RIN2: variants seen among roughly 807,000 people sequenced by gnomAD.
RIN2 encodes the protein RAB5 interacting protein 2.
In RIN2, 36 loss-of-function variants were observed where a neutral mutation model predicts 78.0. The ratio of observed to expected loss-of-function variants is 0.46; its 90% CI spans 0.35 to 0.61. The LOEUF (loss-of-function observed/expected upper bound fraction) is 0.61, where lower values mean the gene tolerates loss of function less well. RIN2 is among the 20% of genes least tolerant of loss of function. The probability of loss-of-function intolerance (pLI) is 0.00; values close to 1 mark genes in which losing one functional copy is unlikely to be tolerated. For synonymous variants in RIN2, 466 were observed against 466.8 expected (o/e 1.00, Z 0.02); for missense variants, 1,087 against 1,159.7 (o/e 0.94, Z 0.91).
chr20:19,869,985 G>A (rs2037640083), intron 2 of RIN2, among the ~76,000 whole-genome samples: 1 of 151,932 alleles, frequency 6.6e-6, no homozygotes, highest in African/African-American at 2.4e-5. Context: ...CCAGAACCGT[G>A]GCAAGAATAG....
At chr20:19,962,403 G>A (rs536880119) in intron 6 of RIN2, among the ~76,000 whole-genome samples, 1 of 152,208 alleles carries the variant, frequency 6.6e-6, no homozygotes, top group South Asian at 2.1e-4. Context: ...CACGATGGAT[G>A]TGTTGGTCGG....
intron 1 of RIN2, among the ~76,000 whole-genome samples, chr20:19,765,333 C>CACACA (rs1417749897): frequency 1.3e-5 from 2 of 152,158 alleles, no homozygotes; most frequent in African/African-American, 4.8e-5. Context: ...GAATTAGAGC[C>CACACA]AGTGGGCATT....
Position 19,805,826 on chromosome 20 carries a change from G to A in RIN2, c.-37+6079G>A, listed in dbSNP as rs540689458. The stretch of plus-strand genomic sequence containing the variant: ...GGTGGTTTGCTGCACCCATCAACCC[G>A]TCATCTACATTAGGAATTTCTCCTA... On this transcript the variant is annotated intron_variant, in intron 2 of 12. Coordinates refer to ENST00000255006, the MANE Select transcript of RIN2 (RefSeq NM_018993.4). 8.2e-4 allele frequency among the ~76,000 whole-genome samples: 125 copies of A among 152,014 alleles called. 5 individuals carry two copies. The South Asian group carries it at 0.021, about 25-fold the overall frequency.
chr20:19,848,632 A>G (rs1014951146), intron 2 of RIN2, among the ~76,000 whole-genome samples: 35 of 147,714 alleles, frequency 2.4e-4, no homozygotes, highest in African/African-American at 8.3e-4. Context: ...TTAATCAGTA[A>G]CAATCCTCTT....
At chr20:19,780,415 A>C (rs967499877) in intron 1 of RIN2, among the ~76,000 whole-genome samples, 1 of 152,152 alleles carries the variant, frequency 6.6e-6, no homozygotes, top group Non-Finnish European at 1.5e-5. Flanking sequence ...ATGCCCTGCT[A>C]CCCACTGAGA....
chr20:19,858,087 G>GAACAAAAGCATTTAACATAAAA (rs1408312930), intron 2 of RIN2, among the ~76,000 whole-genome samples: 2 of 151,706 alleles, frequency 1.3e-5, no homozygotes, highest in East Asian at 3.9e-4. Flanking sequence ...TAACTTTAAT[G>GAACAAAAGCATTTAACATAAAA]AGGTCCAACT....
intron 1 of RIN2, among the ~76,000 whole-genome samples, chr20:19,795,788 A>G (rs930147352): frequency 2.6e-5 from 4 of 152,208 alleles, no homozygotes; most frequent in African/African-American, 9.7e-5. Flanking sequence ...CCCATGCATC[A>G]TGGGCAAAGG....
chr20:19,926,839 G>A (rs551236209), intron 3 of RIN2, among the ~76,000 whole-genome samples: 1 of 152,356 alleles, frequency 6.6e-6, no homozygotes, highest in South Asian at 2.1e-4. Context: ...GAAGAGCGCT[G>A]TATCAGGACT....
chr20:19,936,574 C>T (rs1031305070), intron 4 of RIN2, among the ~76,000 whole-genome samples: 1 of 152,172 alleles, frequency 6.6e-6, no homozygotes, highest in African/African-American at 2.4e-5. Context: ...CACCCAGACA[C>T]AGAGCGGCGG....
chr20:19,991,768 A>C (rs893621666), intron 10 of RIN2, among the ~76,000 whole-genome samples: 1 of 152,248 alleles, frequency 6.6e-6, no homozygotes, highest in African/African-American at 2.4e-5. Flanking sequence ...TATGTTTGTA[A>C]ATAATGTGCA....
intron 2 of RIN2, among the ~76,000 whole-genome samples, chr20:19,866,914 C>T (rs1038138736): frequency 1.3e-5 from 2 of 152,174 alleles, no homozygotes; most frequent in Non-Finnish European, 2.9e-5. Context: ...AGTGAGCCAC[C>T]ATACCTGGCC....
At chr20:19,965,982 A>T (rs1429683991) in intron 7 of RIN2, among the ~76,000 whole-genome samples, 1 of 151,632 alleles carries the variant, frequency 6.6e-6, no homozygotes, top group Non-Finnish European at 1.5e-5. Flanking sequence ...CTTTTTTTCC[A>T]TTTTTTTCTT....
chr20:19,899,204 A>C (rs1438942297), intron 3 of RIN2, among the ~76,000 whole-genome samples: 1 of 152,188 alleles, frequency 6.6e-6, no homozygotes, highest in African/African-American at 2.4e-5. Flanking sequence ...ACTATGTGAC[A>C]GCTAGCTCTA....
At chr20:19,817,984 C>A (rs933262238) in intron 2 of RIN2, among the ~76,000 whole-genome samples, 1 of 151,902 alleles carries the variant, frequency 6.6e-6, no homozygotes, top group Non-Finnish European at 1.5e-5. Flanking sequence ...CATCATTTGG[C>A]AATTTTGCCA....
intron 2 of RIN2, among the ~76,000 whole-genome samples, chr20:19,839,787 C>G (rs2036529417): frequency 2.0e-5 from 3 of 152,148 alleles, no homozygotes; most frequent in Non-Finnish European, 2.9e-5. Context: ...TGAATCCTAT[C>G]TAAAACACTT....
rs374144324 is a variant in RIN2 at position 19,964,967 on chromosome 20, G to T, written c.479G>T (p.Gly160Val). 8 of 1,613,456 alleles carry T rather than the reference G, an allele frequency of 5.0e-6. No individual in the cohort carries two copies. Among genetic ancestry groups the T allele is most frequent in the East Asian group, 2.2e-5 (1 of 44,894 alleles). Reference protein sequence around the residue: ...KESTYTFSLEGSGISFADLFR... With the variant: ...KESTYTFSLEVSGISFADLFR... ...TCTTTTCCAGCCTTTTCCCTGGAAGGCTCAGGAATCAGTTTCGCAGATTTA... is the reference window on the plus strand; with the variant it reads ...TCTTTTCCAGCCTTTTCCCTGGAAGTCTCAGGAATCAGTTTCGCAGATTTA... The change falls in exon 7 of 13, where the codon GGC (glycine) becomes GTC (valine). Residue 160 changes from glycine to valine, a missense_variant. This residue lies in a region of RIN2 where 706 missense variants were observed against 667.5 expected (regional missense o/e 1.06). Coordinates refer to ENST00000255006, the MANE Select transcript of RIN2 (RefSeq NM_018993.4).
chr20:19,883,114 C>A (rs1015972590), intron 2 of RIN2, among the ~76,000 whole-genome samples: 2 of 152,144 alleles, frequency 1.3e-5, no homozygotes, highest in Non-Finnish European at 1.5e-5. Context: ...GGGAAGCCAC[C>A]CCTCTTTCCC....
chr20:19,967,534 A>G lies in RIN2; in HGVS notation c.536+2510A>G, dbSNP rs8122098. Among the ~76,000 whole-genome samples the G allele has an allele frequency of 8.2e-3, 1,248 of 152,348 alleles. 19 individuals carry two copies. The highest frequency in any genetic ancestry group is 0.028 in the African/African-American group (1,168 of 41,572). ...ATGCATATGCAAATATGCATTGCAC[A>G]AGAGAATTCACGAATCAATAAACAT... On this transcript the variant is annotated intron_variant, in intron 7 of 12. Transcript: ENST00000255006.
At chr20:19,928,550 T>C (rs1477783016) in intron 3 of RIN2, among the ~76,000 whole-genome samples, 1 of 152,190 alleles carries the variant, frequency 6.6e-6, no homozygotes, top group Non-Finnish European at 1.5e-5. Flanking sequence ...TGTAGACTCC[T>C]GCACCAGACT....
Sources: gnomAD v4.1 joint callset for allele counts (sites outside exome capture counted in the v4.1 genomes callset) on GRCh38, gnomAD v4.1.1 for gene constraint, gnomAD v4.1.1 regional missense constraint, MANE v1.5 for transcripts, NCBI Gene and HGNC (gene_info 2026-07-23, HGNC 2026-07-21) for gene names.